The following KCNQ5 variants were observed in gnomAD, a reference collection of about 807,000 sequenced individuals.
KCNQ5 encodes potassium voltage-gated channel subfamily Q member 5.
A neutral mutation model predicts 98.2 loss-of-function variants in KCNQ5; 30 were observed. The ratio of observed to expected loss-of-function variants is 0.31; its 90% CI spans 0.23 to 0.41. KCNQ5 has a LOEUF of 0.41. KCNQ5 is among the 10% of genes least tolerant of loss of function. The pLI is 1.00. For missense variants in KCNQ5, 835 were observed against 1,182.5 expected, an observed-to-expected ratio of 0.71 and a Z score of 4.31; for synonymous variants, 458 against 449.4, an observed-to-expected ratio of 1.02 and a Z score of -0.24.
At chr6:73,040,876 A>G (rs552229611) in intron 2 of KCNQ5, among the ~76,000 whole-genome samples, 481 of 152,318 alleles carry the variant, frequency 3.2e-3, no homozygotes, top group Non-Finnish European at 5.5e-3. Flanking sequence ...TGCGAGTAAG[A>G]ATGGGAGAAT....
intron 1 of KCNQ5, among the ~76,000 whole-genome samples, chr6:72,796,213 A>G (rs976726468): frequency 2.6e-5 from 4 of 152,228 alleles, no homozygotes; most frequent in Non-Finnish European, 4.4e-5. Context: ...AAAATATTAA[A>G]TATATTTTGA....
intron 1 of KCNQ5, among the ~76,000 whole-genome samples, chr6:72,826,118 A>G (rs564000088): frequency 6.6e-6 from 1 of 152,252 alleles, no homozygotes; most frequent in South Asian, 2.1e-4. Flanking sequence ...TGCACAAAGC[A>G]ATTCAGGGTA....
chr6:72,892,995 G>A (rs548052955), intron 1 of KCNQ5, among the ~76,000 whole-genome samples: 10 of 152,158 alleles, frequency 6.6e-5, no homozygotes, highest in African/African-American at 2.4e-4. Context: ...GGGAAGAGGC[G>A]GCCATGTTCA....
At chr6:72,729,567 C>A (rs1184432608) in intron 1 of KCNQ5, among the ~76,000 whole-genome samples, 1 of 152,106 alleles carries the variant, frequency 6.6e-6, no homozygotes. Context: ...CCATGGCTGG[C>A]CTGGTTTATG....
At chr6:73,068,233 T>C (rs1582293351) in intron 3 of KCNQ5, among the ~76,000 whole-genome samples, 1 of 151,988 alleles carries the variant, frequency 6.6e-6, no homozygotes, top group South Asian at 2.1e-4. Flanking sequence ...GAGGTGGAGG[T>C]TGCAGTGAGC....
chr6:72,760,450 G>A (rs1325992861), intron 1 of KCNQ5, among the ~76,000 whole-genome samples: 1 of 12,828 alleles, frequency 7.8e-5, no homozygotes, highest in African/African-American at 8.5e-4. Context: ...AGGAGTACGT[G>A]TGTGTGTGTG....
At chr6:73,092,426 G>A (rs372259582) in intron 5 of KCNQ5, among the ~76,000 whole-genome samples, 1 of 152,146 alleles carries the variant, frequency 6.6e-6, no homozygotes, top group African/African-American at 2.4e-5. Context: ...ATGAAGAGGA[G>A]TGATAAGAGT....
intron 10 of KCNQ5, among the ~76,000 whole-genome samples, chr6:73,142,088 G>A (rs1776738749): frequency 6.6e-6 from 1 of 152,166 alleles, no homozygotes; most frequent in African/African-American, 2.4e-5. Flanking sequence ...TTGCCTGAAT[G>A]TCCATATGAC....
intron 1 of KCNQ5, among the ~76,000 whole-genome samples, chr6:72,738,904 G>C (rs1226072996): frequency 1.3e-5 from 2 of 152,166 alleles, no homozygotes; most frequent in Non-Finnish European, 1.5e-5. Context: ...GGGAGAAGGA[G>C]GGATGATGAG....
At chr6:73,055,344 G>C in intron 3 of KCNQ5, 1 of 1,436,862 alleles carries the variant, frequency 7.0e-7, no homozygotes, top group South Asian at 1.1e-5. Context: ...AGGACTTGGC[G>C]CCTCAATGAG....
intron 1 of KCNQ5, among the ~76,000 whole-genome samples, chr6:72,858,109 A>G (rs1777606182): frequency 6.6e-6 from 1 of 152,234 alleles, no homozygotes; most frequent in Non-Finnish European, 1.5e-5. Context: ...GCTGAATCAT[A>G]GCTAGTAGAA....
intron 1 of KCNQ5, among the ~76,000 whole-genome samples, chr6:72,912,169 A>G (rs1211855418): frequency 6.6e-6 from 1 of 152,186 alleles, no homozygotes; most frequent in Non-Finnish European, 1.5e-5. Context: ...TCAAGCTTGG[A>G]TAGGATCCAG....
intron 3 of KCNQ5, among the ~76,000 whole-genome samples, chr6:73,063,696 A>ATAGG (rs1772906015): frequency 8.2e-6 from 1 of 121,612 alleles, no homozygotes; most frequent in Admixed American, 8.3e-5. Flanking sequence ...TGATAGATAG[A>ATAGG]TAGATAGATA....
At chr6:73,080,745 C>T (rs958904455) in intron 5 of KCNQ5, among the ~76,000 whole-genome samples, 6 of 152,220 alleles carry the variant, frequency 3.9e-5, no homozygotes, top group Admixed American at 3.3e-4. Context: ...AGGAAATCCC[C>T]TATATTAAAA....
intron 1 of KCNQ5, among the ~76,000 whole-genome samples, chr6:72,941,176 C>G (rs887269451): frequency 9.2e-5 from 14 of 152,118 alleles, no homozygotes; most frequent in African/African-American, 3.4e-4. Context: ...CTTTTGCCTT[C>G]TTTTTAAATT....
chr6:72,894,117 A>G (rs1366365209), intron 1 of KCNQ5, among the ~76,000 whole-genome samples: 1 of 152,320 alleles, frequency 6.6e-6, no homozygotes, highest in African/African-American at 2.4e-5. Flanking sequence ...CTAAACAACC[A>G]TTCTGCAAGA....
chr6:72,866,157 T>C (rs547644879), intron 1 of KCNQ5, among the ~76,000 whole-genome samples: 1 of 152,150 alleles, frequency 6.6e-6, no homozygotes, highest in South Asian at 2.1e-4. Context: ...GTTGAAATCA[T>C]GTTTGTCTGA....
chr6:73,052,487 G>C (rs1025495027), intron 3 of KCNQ5, among the ~76,000 whole-genome samples: 1 of 152,180 alleles, frequency 6.6e-6, no homozygotes, highest in African/African-American at 2.4e-5. Flanking sequence ...AGCAGCTAAA[G>C]AGAAGGGGCA....
chr6:72,873,609 T>G (rs1778298229), intron 1 of KCNQ5, among the ~76,000 whole-genome samples: 1 of 152,148 alleles, frequency 6.6e-6, no homozygotes, highest in Admixed American at 6.6e-5. Context: ...CACAATGGCT[T>G]TAACTGGCTT....
Sources: allele counts gnomAD v4.1 joint callset (sites outside exome capture counted in the v4.1 genomes callset), GRCh38; gene constraint gnomAD v4.1.1; transcripts MANE v1.5; gene names NCBI Gene and HGNC (gene_info 2026-07-23, HGNC 2026-07-21).